Variants in RBPMS observed in about 807,000 individuals in gnomAD.
RBPMS encodes the protein RNA-binding protein with multiple splicing.
RBPMS carries 7 observed loss-of-function variants against 26.8 expected under a neutral mutation model. The observed-to-expected ratio is 0.26, with a 90% CI of 0.15 to 0.49. The LOEUF (loss-of-function observed/expected upper bound fraction) is 0.49. Ranked by LOEUF, RBPMS falls within the 20% of genes least tolerant of loss-of-function variation. The pLI is 0.98. For synonymous variants in RBPMS, 96 were observed against 93.3 expected (o/e 1.03, Z -0.17); for missense variants, 186 against 250.0 (o/e 0.74, Z 1.73).
chr8:30,466,239 G>A (rs1282039888), intron 1 of RBPMS, among the ~76,000 whole-genome samples: 1 of 152,162 alleles, frequency 6.6e-6, no homozygotes, highest in Non-Finnish European at 1.5e-5. Context: ...TTTTAGAAAG[G>A]AAAGAGCAAT....
intron 5 of RBPMS, among the ~76,000 whole-genome samples, chr8:30,529,946 G>C (rs538821058): frequency 1.6e-4 from 24 of 152,128 alleles, no homozygotes; most frequent in African/African-American, 5.5e-4. Context: ...CTAGAGACAG[G>C]GTTTCACCGT....
At chr8:30,504,964 C>G (rs1324918652) in intron 5 of RBPMS, among the ~76,000 whole-genome samples, 1 of 152,142 alleles carries the variant, frequency 6.6e-6, no homozygotes, top group Non-Finnish European at 1.5e-5. Context: ...CAAACTAATA[C>G]CAGTAAAACT....
rs375837171 is a variant in RBPMS at position 30,538,938 on chromosome 8, G to A, written c.398-5556G>A. ...GCTAGTGTGCACTGCCCTGCACCAC[G>A]GGAGCTGGCGTGGGCTACATTCTTA... On this transcript the variant is annotated intron_variant, in intron 5 of 8. Coordinates refer to ENST00000397323, the MANE Select transcript of RBPMS (RefSeq NM_001008710.3). Among the ~76,000 whole-genome samples the A allele has an allele frequency of 3.9e-5, 6 of 152,272 alleles. No individual in the cohort carries two copies. In the East Asian group the frequency reaches 9.7e-4, roughly 25 times the overall value.
At chr8:30,464,467 T>C (rs887513337) in intron 1 of RBPMS, among the ~76,000 whole-genome samples, 4 of 152,220 alleles carry the variant, frequency 2.6e-5, no homozygotes, top group Non-Finnish European at 1.5e-5. Flanking sequence ...GTTAGAAGCA[T>C]ATTGCATAGT....
Position 30,558,469 on chromosome 8 carries a change from G to T in RBPMS, c.529-418G>T, listed in dbSNP as rs140874020. On this transcript the variant is annotated intron_variant, in intron 6 of 8. Coordinates refer to ENST00000397323, the MANE Select transcript of RBPMS (RefSeq NM_001008710.3). Reference sequence around the variant, plus strand: ...AGGCCACTGGTGTGGATGGGGTCGTGAACTGCCCCTTCCTTACCAAAGCAG... The same window carrying T: ...AGGCCACTGGTGTGGATGGGGTCGTTAACTGCCCCTTCCTTACCAAAGCAG... 1,233 of 293,900 alleles carry T rather than the reference G, an allele frequency of 4.2e-3. 22 individuals are homozygous for T. The highest frequency in any genetic ancestry group is 0.024 in the African/African-American group (1,126 of 46,454). 18.2% of individuals were successfully genotyped at this position (293,900 alleles called of 1,614,324 possible).
chr8:30,415,442 C>T (rs1358180795), intron 1 of RBPMS, among the ~76,000 whole-genome samples: 2 of 152,180 alleles, frequency 1.3e-5, no homozygotes, highest in Non-Finnish European at 2.9e-5. Context: ...TGCTTAAAAC[C>T]TTTAACTGTG....
chr8:30,514,587 C>T (rs1190982091), intron 5 of RBPMS, among the ~76,000 whole-genome samples: 1 of 150,134 alleles, frequency 6.7e-6, no homozygotes, highest in African/African-American at 2.5e-5. Flanking sequence ...CTCTGTCACC[C>T]AGGCTAGAGT....
At chr8:30,517,131 A>T (rs1822410257) in intron 5 of RBPMS, among the ~76,000 whole-genome samples, 1 of 150,882 alleles carries the variant, frequency 6.6e-6, no homozygotes, top group East Asian at 2.0e-4. Flanking sequence ...ACCTGCTTTC[A>T]TTCTCAGCTC....
intron 4 of RBPMS, among the ~76,000 whole-genome samples, chr8:30,501,065 C>G (rs1367352043): frequency 6.6e-6 from 1 of 152,108 alleles, no homozygotes; most frequent in African/African-American, 2.4e-5. Flanking sequence ...AGCTACTGAA[C>G]CAGAAACTCT....
At chr8:30,465,901 A>T (rs1403741191) in intron 1 of RBPMS, among the ~76,000 whole-genome samples, 2 of 152,212 alleles carry the variant, frequency 1.3e-5, no homozygotes, top group African/African-American at 2.4e-5. Context: ...GTGGTGTGGT[A>T]TACCCAGTGC....
intron 4 of RBPMS, among the ~76,000 whole-genome samples, chr8:30,490,807 A>C (rs11776587): frequency 0.23 from 35,743 of 152,108 alleles, 4,666 homozygotes; most frequent in East Asian, 0.41. Flanking sequence ...TAGTAATCTA[A>C]TTGCAAGGAT....
intron 5 of RBPMS, among the ~76,000 whole-genome samples, chr8:30,529,245 T>A (rs1489944227): frequency 1.3e-5 from 2 of 151,902 alleles, no homozygotes; most frequent in Non-Finnish European, 2.9e-5. Context: ...TGGTAAAATA[T>A]ATATGACATA....
At chr8:30,477,905 A>G (rs1585600979) in intron 3 of RBPMS, 68 bp downstream of exon 3, 1 of 1,091,578 alleles carries the variant, frequency 9.2e-7, no homozygotes, top group South Asian at 1.4e-5. Flanking sequence ...CTGGGGCTTG[A>G]CATTCTTTTT....
chr8:30,495,764 G>C (rs1819875590), intron 4 of RBPMS, among the ~76,000 whole-genome samples: 1 of 152,180 alleles, frequency 6.6e-6, no homozygotes, highest in Non-Finnish European at 1.5e-5. Flanking sequence ...ACATCTGACG[G>C]ATTCTTTCCC....
intron 1 of RBPMS, among the ~76,000 whole-genome samples, chr8:30,458,209 T>C (rs1815461258): frequency 2.0e-5 from 3 of 152,232 alleles, no homozygotes; most frequent in Non-Finnish European, 4.4e-5. Flanking sequence ...ATGCATTTTT[T>C]TTCCTCAGAA....
intron 5 of RBPMS, among the ~76,000 whole-genome samples, chr8:30,519,458 C>CTTTTT (rs36017963): frequency 3.4e-5 from 3 of 89,460 alleles, no homozygotes; most frequent in African/African-American, 1.3e-4. Context: ...GGATCTCTCT[C>CTTTTT]TTTTTTTTTT....
At position 30,572,149 on chromosome 8, in the gene RBPMS, AC is replaced by A. The variant is rs1291857149; in HGVS notation, c.*1625del. On this transcript the variant is annotated 3_prime_UTR_variant, in exon 9 of 9. Transcript: ENST00000397323. ...AATCGGCTCTTGGTGAGATGACTGTACTCCTAAGGAAAATAGCCACTTCTGC... is the reference window on the plus strand; with the variant it reads ...AATCGGCTCTTGGTGAGATGACTGTATCCTAAGGAAAATAGCCACTTCTGC... 6.6e-6 allele frequency: 1 copy of A among 152,048 alleles called. No individual in the cohort carries two copies. The highest frequency in any genetic ancestry group is 1.5e-5 in the Non-Finnish European group (1 of 68,026). The allele number at this position is 152,048 out of a possible 1,614,324, so 9.4% of individuals were successfully genotyped here.
At chr8:30,507,372 T>C (rs943433076) in intron 5 of RBPMS, among the ~76,000 whole-genome samples, 2 of 152,168 alleles carry the variant, frequency 1.3e-5, no homozygotes, top group Non-Finnish European at 2.9e-5. Flanking sequence ...TAAATAGATA[T>C]AGTGTATGTA....
At chr8:30,567,158 G>T (rs553375001) in intron 8 of RBPMS, among the ~76,000 whole-genome samples, 2 of 152,282 alleles carry the variant, frequency 1.3e-5, no homozygotes, top group South Asian at 2.1e-4. Flanking sequence ...CCTCTGAGGG[G>T]CCTATGAAAA....
Sources: allele counts gnomAD v4.1 joint callset (sites outside exome capture counted in the v4.1 genomes callset), GRCh38; gene constraint gnomAD v4.1.1; transcripts MANE v1.5; gene names NCBI Gene and HGNC (gene_info 2026-07-23, HGNC 2026-07-21).